The following MACROD2 variants were observed in gnomAD, a reference collection of about 807,000 sequenced individuals.
The protein encoded by MACROD2 is ADP-ribose glycohydrolase MACROD2.
MACROD2 carries 36 observed loss-of-function variants against 70.4 expected under a neutral mutation model. The ratio of observed to expected loss-of-function variants is 0.51; its 90% CI spans 0.39 to 0.68. The LOEUF (loss-of-function observed/expected upper bound fraction) is 0.68. Ranked by LOEUF, MACROD2 falls within the 30% of genes least tolerant of loss-of-function variation. MACROD2 has a pLI of 0.00. For missense variants in MACROD2, 496 were observed against 538.4 expected (o/e 0.92, Z 0.78); for synonymous variants, 172 against 178.8 (o/e 0.96, Z 0.30).
chr20:14,590,985 A>C (rs1040137875), intron 4 of MACROD2, among the ~76,000 whole-genome samples: 8 of 152,126 alleles, frequency 5.3e-5, no homozygotes, highest in Admixed American at 2.0e-4. Context: ...TTTTTCTATA[A>C]ATCAGGTAAA....
At chr20:15,670,452 A>C (rs1461612905) in intron 8 of MACROD2, among the ~76,000 whole-genome samples, 2 of 152,220 alleles carry the variant, frequency 1.3e-5, no homozygotes, top group Non-Finnish European at 2.9e-5. Flanking sequence ...GCCTTTAGGA[A>C]TTAAAGTCAT....
chr20:14,753,502 A>C (rs888361953), intron 5 of MACROD2, among the ~76,000 whole-genome samples: 3 of 152,130 alleles, frequency 2.0e-5, no homozygotes, highest in Non-Finnish European at 4.4e-5. Context: ...ATAGATTACT[A>C]TCAATATCTA....
intron 6 of MACROD2, among the ~76,000 whole-genome samples, chr20:15,304,235 G>A (rs1043867779): frequency 2.0e-5 from 3 of 152,126 alleles, no homozygotes; most frequent in Non-Finnish European, 2.9e-5. Flanking sequence ...AGAAAGGAGC[G>A]AGTTGTCTTA....
At chr20:15,273,282 GAT>G (rs2077361764) in intron 6 of MACROD2, among the ~76,000 whole-genome samples, 1 of 152,026 alleles carries the variant, frequency 6.6e-6, no homozygotes, top group African/African-American at 2.4e-5. Flanking sequence ...TCCTGTGCTG[GAT>G]ACTTCCTGCC....
chr20:14,974,570 T>C (rs2074721270), intron 5 of MACROD2, among the ~76,000 whole-genome samples: 1 of 152,070 alleles, frequency 6.6e-6, no homozygotes, highest in South Asian at 2.1e-4. Context: ...TATACGTGAA[T>C]TGACAAGGGA....
chr20:14,109,354 C>T (rs904389160), intron 3 of MACROD2, among the ~76,000 whole-genome samples: 3 of 151,078 alleles, frequency 2.0e-5, no homozygotes, highest in Non-Finnish European at 4.4e-5. Flanking sequence ...AAGTAGAAAA[C>T]CAAGAGCAAA....
At chr20:15,061,635 C>T (rs1162850006) in intron 5 of MACROD2, among the ~76,000 whole-genome samples, 1 of 152,198 alleles carries the variant, frequency 6.6e-6, no homozygotes, top group African/African-American at 2.4e-5. Flanking sequence ...CTCCATGGCT[C>T]TTAGCCAGGG....
At chr20:14,974,752 G>A (rs1332138276) in intron 5 of MACROD2, among the ~76,000 whole-genome samples, 1 of 151,994 alleles carries the variant, frequency 6.6e-6, no homozygotes, top group Non-Finnish European at 1.5e-5. Flanking sequence ...TGCACTGCAA[G>A]TCCAAGGGCA....
intron 8 of MACROD2, among the ~76,000 whole-genome samples, chr20:15,565,864 T>C (rs1363790415): frequency 6.6e-6 from 1 of 152,104 alleles, no homozygotes; most frequent in African/African-American, 2.4e-5. Flanking sequence ...CTTTTAGTAG[T>C]GCTGTAAGGG....
At chr20:15,825,601 C>T (rs952631637) in intron 8 of MACROD2, among the ~76,000 whole-genome samples, 3 of 151,832 alleles carry the variant, frequency 2.0e-5, no homozygotes, top group Non-Finnish European at 4.4e-5. Context: ...TGGGTTCAAG[C>T]CAGATAAAAT....
chr20:14,828,347 A>G (rs2072925396), intron 5 of MACROD2, among the ~76,000 whole-genome samples: 1 of 152,186 alleles, frequency 6.6e-6, no homozygotes, highest in South Asian at 2.1e-4. Flanking sequence ...TGCATGCTAA[A>G]TATTCAGATG....
intron 12 of MACROD2, among the ~76,000 whole-genome samples, chr20:15,963,918 TATTTG>T (rs2066101206): frequency 6.6e-6 from 1 of 152,186 alleles, no homozygotes; most frequent in Non-Finnish European, 1.5e-5. Flanking sequence ...TTGGCTTGAA[TATTTG>T]ATTTAATATT....
chr20:15,206,228 G>A (rs1481256522), intron 5 of MACROD2, among the ~76,000 whole-genome samples: 1 of 151,938 alleles, frequency 6.6e-6, no homozygotes, highest in East Asian at 1.9e-4. Flanking sequence ...AAATCAAGAA[G>A]CAAATATGGA....
chr20:14,398,244 C>T (rs527567865), intron 3 of MACROD2, among the ~76,000 whole-genome samples: 71 of 152,104 alleles, frequency 4.7e-4, no homozygotes, highest in Admixed American at 2.9e-3. Flanking sequence ...TATTGATTTA[C>T]TTTCTTTTGA....
At chr20:14,199,917 C>T (rs2081464964) in intron 3 of MACROD2, among the ~76,000 whole-genome samples, 1 of 152,134 alleles carries the variant, frequency 6.6e-6, no homozygotes, top group South Asian at 2.1e-4. Flanking sequence ...TGATGGTTTA[C>T]TTACTTCCTT....
intron 2 of MACROD2, among the ~76,000 whole-genome samples, chr20:14,005,524 G>C (rs570685795): frequency 6.6e-6 from 1 of 152,012 alleles, no homozygotes; most frequent in African/African-American, 2.4e-5. Flanking sequence ...TGCCTTATGG[G>C]TTGGTGGGGC....
intron 3 of MACROD2, among the ~76,000 whole-genome samples, chr20:14,212,973 C>A (rs2081582736): frequency 6.6e-6 from 1 of 151,630 alleles, no homozygotes. Flanking sequence ...TGAGTAAAGG[C>A]TGTTGTCAGT....
chr20:14,567,212 CTATTT>C (rs1300829386), intron 4 of MACROD2, among the ~76,000 whole-genome samples: 1 of 151,906 alleles, frequency 6.6e-6, no homozygotes, highest in Non-Finnish European at 1.5e-5. Context: ...ATGTGCACTG[CTATTT>C]TATTTGTTGG....
At chr20:15,021,174 A>G (rs1468684987) in intron 5 of MACROD2, among the ~76,000 whole-genome samples, 1 of 124,834 alleles carries the variant, frequency 8.0e-6, no homozygotes, top group Non-Finnish European at 1.7e-5. Context: ...ATGTATACAC[A>G]TACAGGTGTG....
Sources: allele counts gnomAD v4.1 joint callset (sites outside exome capture counted in the v4.1 genomes callset), GRCh38; gene constraint gnomAD v4.1.1; transcripts MANE v1.5; gene names NCBI Gene and HGNC (gene_info 2026-07-23, HGNC 2026-07-21).